The following KIAA1549 variants were observed in gnomAD, a reference collection of about 807,000 sequenced individuals.
KIAA1549 encodes the protein UPF0606 protein KIAA1549.
KIAA1549 carries 70 observed loss-of-function variants against 156.4 expected under a neutral mutation model. The observed-to-expected ratio is 0.45, with a 90% CI of 0.37 to 0.55. The LOEUF is 0.55. Ranked by LOEUF, KIAA1549 falls within the 20% of genes least tolerant of loss-of-function variation. The pLI, the probability that KIAA1549 is intolerant of heterozygous loss-of-function variation, is 0.00. For missense variants in KIAA1549, 2,428 were observed against 2,540.9 expected, an observed-to-expected ratio of 0.96 and a Z score of 0.96; for synonymous variants, 1,103 against 1,066.4, an observed-to-expected ratio of 1.03 and a Z score of -0.67.
chr7:138,965,334 G>A (rs1314449561), intron 1 of KIAA1549, among the ~76,000 whole-genome samples: 1 of 152,146 alleles, frequency 6.6e-6, no homozygotes, highest in Non-Finnish European at 1.5e-5. Flanking sequence ...CAAACTACCA[G>A]TGCGTGCCAC....
At chr7:138,892,845 G>C (rs1216117355) in intron 10 of KIAA1549, among the ~76,000 whole-genome samples, 1 of 152,108 alleles carries the variant, frequency 6.6e-6, no homozygotes, top group Non-Finnish European at 1.5e-5. Flanking sequence ...AAAATAAATA[G>C]GGCAATCTTT....
intron 1 of KIAA1549, among the ~76,000 whole-genome samples, chr7:138,946,826 C>T (rs1813351563): frequency 6.6e-6 from 1 of 152,134 alleles, no homozygotes; most frequent in Admixed American, 6.5e-5. Flanking sequence ...ATGCCTTTCC[C>T]CAAACTATGA....
intron 2 of KIAA1549, 110 bp from the exon 3 acceptor site, chr7:138,912,570 G>A (rs1264963481): frequency 1.4e-5 from 12 of 863,312 alleles, no homozygotes; most frequent in Admixed American, 4.1e-5. Flanking sequence ...AGTTCCAAAA[G>A]TCTTTTTGTA....
chr7:138,844,617 G>T, intron 17 of KIAA1549, 143 bp from the exon 18 acceptor site: 1 of 757,360 alleles, frequency 1.3e-6, no homozygotes, highest in Non-Finnish European at 1.9e-6. Context: ...GGGAAGAGAT[G>T]TTTCTCCTGC....
chr7:138,912,965 C>A (rs1032747465), intron 2 of KIAA1549, among the ~76,000 whole-genome samples: 2 of 152,190 alleles, frequency 1.3e-5, no homozygotes, highest in Admixed American at 1.3e-4. Context: ...AGCTCCGCCT[C>A]CCGGGTTCAC....
chr7:138,862,537 C>G (rs1464718930), intron 15 of KIAA1549, among the ~76,000 whole-genome samples: 1 of 150,480 alleles, frequency 6.6e-6, no homozygotes, highest in African/African-American at 2.4e-5. Context: ...AAAAAAAAAG[C>G]CTACGTATGT....
At chr7:138,895,326 C>A (rs1319529556) in intron 9 of KIAA1549, among the ~76,000 whole-genome samples, 1 of 152,204 alleles carries the variant, frequency 6.6e-6, no homozygotes, top group East Asian at 1.9e-4. Flanking sequence ...CAAAGAGATG[C>A]TGATGTTCGT....
Position 138,916,940 on chromosome 7 carries a change from G to GGGGAC in KIAA1549, c.2681_2685dup (p.Leu896ValfsTer7). On this transcript the variant is annotated frameshift_variant, in exon 2 of 20. Coordinates refer to ENST00000422774, the MANE Select transcript of KIAA1549 (RefSeq NM_001164665.2). LOFTEE classifies it high-confidence loss of function. ...GCGTCACCCATCAGGGTGGAGTCGA[G>GGGGAC]GGGACCACCAGTGGCAGCACCGGTG... 6.2e-7 allele frequency: 1 copy of GGGGAC among 1,609,354 alleles called. No individual in the cohort carries two copies. Among genetic ancestry groups the GGGGAC allele is most frequent in the Non-Finnish European group, 8.5e-7 (1 of 1,177,408 alleles).
chr7:138,851,550 A>T (rs1810232654), intron 17 of KIAA1549, among the ~76,000 whole-genome samples: 1 of 144,644 alleles, frequency 6.9e-6, no homozygotes, highest in African/African-American at 2.6e-5. Flanking sequence ...TTTTCTTCTC[A>T]TATGCCTGGG....
chr7:138,933,689 G>C (rs1195145530), intron 1 of KIAA1549, among the ~76,000 whole-genome samples: 2 of 152,258 alleles, frequency 1.3e-5, no homozygotes, highest in Non-Finnish European at 2.9e-5. Flanking sequence ...AAATAGACCA[G>C]GCGCAGTGGC....
intron 1 of KIAA1549, among the ~76,000 whole-genome samples, chr7:138,959,802 G>A (rs997849666): frequency 6.6e-6 from 1 of 152,200 alleles, no homozygotes; most frequent in Non-Finnish European, 1.5e-5. Context: ...AACTTCATTT[G>A]TGAGGATCAG....
intron 12 of KIAA1549, among the ~76,000 whole-genome samples, chr7:138,873,264 G>A (rs1203166952): frequency 6.6e-6 from 1 of 152,208 alleles, no homozygotes; most frequent in African/African-American, 2.4e-5. Flanking sequence ...GTCTGTCTGA[G>A]CCAGAGGACA....
intron 1 of KIAA1549, among the ~76,000 whole-genome samples, chr7:138,927,588 A>C (rs999045807): frequency 3.3e-5 from 5 of 152,288 alleles, no homozygotes; most frequent in Admixed American, 6.5e-5. Context: ...CAGTGAGCCG[A>C]AACTGTGCCA....
chr7:138,936,472 G>C lies in KIAA1549; in HGVS notation c.188-17034C>G, dbSNP rs115411416. On this transcript the variant is annotated intron_variant, in intron 1 of 19. Transcript: ENST00000422774. ...GCCCTGCCTCGCACAACTTCTGTGA[G>C]AGACAGGCTTTCCAGGACACTGAAG... Among the ~76,000 whole-genome samples the C allele has an allele frequency of 7.8e-4, 119 of 152,318 alleles. 1 individual carries two copies. Among genetic ancestry groups the C allele is most frequent in the African/African-American group, 2.8e-3 (116 of 41,564 alleles).
chr7:138,863,499 G>A lies in KIAA1549; in HGVS notation c.4930-2043C>T, dbSNP rs546623005. On this transcript the variant is annotated intron_variant, in intron 15 of 19. Transcript: ENST00000422774. The stretch of plus-strand genomic sequence containing the variant: ...GGTTCTTAACTCCAAACTGAGAGAG[G>A]ACCATACAAAACTAGTAACCCCACA... 2.0e-5 allele frequency among the ~76,000 whole-genome samples: 3 copies of A among 152,142 alleles called. No homozygotes were observed. In the South Asian group the frequency reaches 6.2e-4, roughly 32 times the overall value.
In KIAA1549 at chr7:138,957,720, C is replaced by T. The variant is rs6954773; in HGVS notation, c.187+23363G>A. 2.8e-3 allele frequency among the ~76,000 whole-genome samples: 429 copies of T among 152,138 alleles called. 4 individuals carry two copies. The highest frequency in any genetic ancestry group is 9.6e-3 in the African/African-American group (398 of 41,486). ...CTCAAACTCCTGACCGCAGCTGATCCGCCCACCTCAGCCTCCCAAAGTGCT... is the reference window on the plus strand; with the variant it reads ...CTCAAACTCCTGACCGCAGCTGATCTGCCCACCTCAGCCTCCCAAAGTGCT... On this transcript the variant is annotated intron_variant, in intron 1 of 19. Coordinates refer to ENST00000422774, the MANE Select transcript of KIAA1549 (RefSeq NM_001164665.2).
intron 1 of KIAA1549, among the ~76,000 whole-genome samples, chr7:138,931,413 T>C (rs1812865766): frequency 6.6e-6 from 1 of 152,210 alleles, no homozygotes; most frequent in Non-Finnish European, 1.5e-5. Flanking sequence ...CTCCAGTTCA[T>C]GACTTGTTGT....
rs1044100856 is a variant in KIAA1549 at position 138,833,420 on chromosome 7, T to A, written c.*4486A>T. On this transcript the variant is annotated 3_prime_UTR_variant, in exon 20 of 20. Transcript: ENST00000422774. ...TGTGCGAAAGAAGGAACGCTGAACC[T>A]GTCCACGGGAAACGGGAGACTCCTA... 8.6e-6 allele frequency: 2 copies of A among 232,534 alleles called. No individual in the cohort carries two copies. The highest frequency in any genetic ancestry group is 4.4e-5 in the African/African-American group (2 of 45,296). 14.4% of individuals were successfully genotyped at this position (232,534 alleles called of 1,614,324 possible). A position where few individuals can be genotyped will look rare whatever the true frequency, so the allele number is the denominator to read the frequency against.
Position 138,840,920 on chromosome 7 carries a change from G to T in KIAA1549, c.5453-642C>A, listed in dbSNP as rs113272800. Among the ~76,000 whole-genome samples, 7 of 152,276 alleles carry T rather than the reference G, an allele frequency of 4.6e-5. No homozygotes were observed. The East Asian group carries it at 1.4e-3, about 29-fold the overall frequency. ...ATCACTGCACTCCTTAAGGACAAGGGATCATGACTTGGTACCAGTTCTATC... is the reference window on the plus strand; with the variant it reads ...ATCACTGCACTCCTTAAGGACAAGGTATCATGACTTGGTACCAGTTCTATC... On this transcript the variant is annotated intron_variant, in intron 18 of 19. Transcript: ENST00000422774.
Sources: gnomAD v4.1 joint callset for allele counts (sites outside exome capture counted in the v4.1 genomes callset) on GRCh38, gnomAD v4.1.1 for gene constraint, MANE v1.5 for transcripts, NCBI Gene and HGNC (gene_info 2026-07-23, HGNC 2026-07-21) for gene names.